The following GFOD2 variants were observed in gnomAD, a reference collection of about 807,000 sequenced individuals.
GFOD2 encodes Gfo/Idh/MocA-like oxidoreductase domain containing 2.
Under a neutral mutation model 24.6 loss-of-function variants are expected in GFOD2, and 9 were observed. The observed-to-expected ratio is 0.37, with a 90% CI of 0.22 to 0.64. The LOEUF (loss-of-function observed/expected upper bound fraction) is 0.64, where lower values mean the gene tolerates loss of function less well. Ranked by LOEUF, GFOD2 falls within the 30% of genes least tolerant of loss-of-function variation. GFOD2 has a pLI of 0.65. For synonymous variants in GFOD2, 211 were observed against 224.8 expected (o/e 0.94, Z 0.55); for missense variants, 476 against 532.5 (o/e 0.89, Z 1.04).
At chr16:67,684,672 G>C in intron 2 of GFOD2, 1 of 853,770 alleles carries the variant, frequency 1.2e-6, no homozygotes, top group Non-Finnish European at 1.4e-6. Context: ...CTCCAGCCTG[G>C]GCAACAAGAG....
At chr16:67,700,689 G>A (rs2053396232) in intron 1 of GFOD2, among the ~76,000 whole-genome samples, 2 of 151,930 alleles carry the variant, frequency 1.3e-5, no homozygotes, top group East Asian at 1.9e-4. Flanking sequence ...TCCAGCCTGG[G>A]TGACAGAGCA....
chr16:67,681,732 T>C, intron 2 of GFOD2: 2 of 985,302 alleles, frequency 2.0e-6, no homozygotes, highest in Non-Finnish European at 2.4e-6. Flanking sequence ...CTCTTAAACT[T>C]AGGGCTCAGT....
chr16:67,696,640 A>AT (rs1316510633), intron 1 of GFOD2, among the ~76,000 whole-genome samples: 1 of 151,086 alleles, frequency 6.6e-6, no homozygotes, highest in Non-Finnish European at 1.5e-5. Flanking sequence ...CACCCGGCTA[A>AT]TTTTTTGTAT....
intron 2 of GFOD2, chr16:67,684,647 G>C (rs1451510134): frequency 1.6e-6 from 1 of 616,606 alleles, no homozygotes; most frequent in Admixed American, 6.3e-5. Context: ...AGTGAGCCGG[G>C]ATTGCGCCAT....
intron 2 of GFOD2, 115 bp downstream of exon 2, chr16:67,685,339 GTTC>G (rs1397663528): frequency 6.6e-7 from 1 of 1,520,110 alleles, no homozygotes; most frequent in Non-Finnish European, 8.9e-7. Context: ...ATGTCCCAGA[GTTC>G]TCCTCCCTGC....
At chr16:67,680,817 G>A (rs960379465) in intron 2 of GFOD2, 2 of 975,920 alleles carry the variant, frequency 2.0e-6, no homozygotes, top group Non-Finnish European at 2.4e-6. Flanking sequence ...ACAACGTGCA[G>A]GTTTGTTACA....
At chr16:67,677,271 C>T (rs2053190760) in intron 2 of GFOD2, 1 of 152,226 alleles carries the variant, frequency 6.6e-6, no homozygotes, top group Non-Finnish European at 1.5e-5. Flanking sequence ...AGTGCAGTCG[C>T]ATGATCTCGG....
At chr16:67,696,264 C>CA (rs897158900) in intron 1 of GFOD2, among the ~76,000 whole-genome samples, 3 of 151,536 alleles carry the variant, frequency 2.0e-5, no homozygotes, top group African/African-American at 7.3e-5. Flanking sequence ...CTGCCCGCCT[C>CA]AGCCTCCCAA....
intron 2 of GFOD2, chr16:67,682,543 T>C: frequency 1.0e-6 from 1 of 985,272 alleles, no homozygotes; most frequent in Non-Finnish European, 1.2e-6. Context: ...AAGAAATTCA[T>C]GGGAAAGCTT....
At chr16:67,688,929 C>T (rs1431479843) in intron 1 of GFOD2, among the ~76,000 whole-genome samples, 3 of 151,434 alleles carry the variant, frequency 2.0e-5, no homozygotes, top group Admixed American at 2.0e-4. Flanking sequence ...TTAGTAGAGA[C>T]GGGGTTTCAC....
chr16:67,676,545 T>C (rs1234287838), intron 2 of GFOD2: 7 of 155,008 alleles, frequency 4.5e-5, no homozygotes, highest in Non-Finnish European at 8.5e-5. Flanking sequence ...TTGTCATGCA[T>C]TTATTAGGTC....
At chr16:67,700,506 G>GT (rs1285666432) in intron 1 of GFOD2, among the ~76,000 whole-genome samples, 1 of 152,154 alleles carries the variant, frequency 6.6e-6, no homozygotes, top group African/African-American at 2.4e-5. Flanking sequence ...GAGGTCAGGA[G>GT]TTTGAGACCA....
At chr16:67,681,440 A>T in intron 2 of GFOD2, 3 of 978,472 alleles carry the variant, frequency 3.1e-6, no homozygotes, top group Non-Finnish European at 3.6e-6. Context: ...TTGTTTTTTT[A>T]GATGGGGACT....
chr16:67,715,627 T>C (rs1175762457), intron 1 of GFOD2, among the ~76,000 whole-genome samples: 7 of 152,230 alleles, frequency 4.6e-5, no homozygotes, highest in Admixed American at 4.6e-4. Flanking sequence ...TAAGGACTTT[T>C]AGACTCCAAA....
chr16:67,681,343 C>T (rs908854881), intron 2 of GFOD2: 14 of 985,248 alleles, frequency 1.4e-5, no homozygotes, highest in Non-Finnish European at 2.4e-6. Flanking sequence ...GGTGATAAAA[C>T]TAGGATAAGG....
intron 1 of GFOD2, among the ~76,000 whole-genome samples, chr16:67,714,515 G>A (rs1467940820): frequency 6.7e-6 from 1 of 149,310 alleles, no homozygotes; most frequent in African/African-American, 2.5e-5. Flanking sequence ...GAAATTACAC[G>A]ATTTGCCTAA....
chr16:67,699,559 C>T (rs901226672), intron 1 of GFOD2, among the ~76,000 whole-genome samples: 23 of 151,968 alleles, frequency 1.5e-4, no homozygotes, highest in African/African-American at 4.3e-4. Flanking sequence ...TCTCGGCTTA[C>T]TGCAACCTCC....
At chr16:67,676,399 G>A (rs2053185584) in intron 2 of GFOD2, 1 of 257,196 alleles carries the variant, frequency 3.9e-6, no homozygotes, top group South Asian at 6.0e-5. Context: ...TTACAGGTGT[G>A]AGCCACCATG....
At chr16:67,696,283 G>A (rs1048682123) in intron 1 of GFOD2, among the ~76,000 whole-genome samples, 2 of 150,724 alleles carry the variant, frequency 1.3e-5, no homozygotes, top group African/African-American at 2.4e-5. Flanking sequence ...AAAGTGTTAG[G>A]ATTACAGGCG....
Sources: gnomAD v4.1 joint callset for allele counts (sites outside exome capture counted in the v4.1 genomes callset) on GRCh38, gnomAD v4.1.1 for gene constraint, MANE v1.5 for transcripts, NCBI Gene and HGNC (gene_info 2026-07-23, HGNC 2026-07-21) for gene names.